CRPPA: variants seen among roughly 807,000 people sequenced by gnomAD.
The protein encoded by CRPPA is D-ribitol-5-phosphate cytidylyltransferase.
Under a neutral mutation model 52.0 loss-of-function variants are expected in CRPPA, and 43 were observed. The observed-to-expected ratio is 0.83, with a 90% CI of 0.65 to 1.07. CRPPA has a LOEUF of 1.07. Among genes scored for constraint, CRPPA ranks in the 50% least tolerant of loss-of-function variants. The pLI is 0.00. For missense variants in CRPPA, 629 were observed against 551.7 expected, an observed-to-expected ratio of 1.14 and a Z score of -1.40; for synonymous variants, 250 against 203.5, an observed-to-expected ratio of 1.23 and a Z score of -1.94.
intron 3 of CRPPA, among the ~76,000 whole-genome samples, chr7:16,310,379 A>G (rs1007945505): frequency 1.3e-5 from 2 of 152,174 alleles, no homozygotes; most frequent in Non-Finnish European, 2.9e-5. Flanking sequence ...CGCCCCAAGT[A>G]GAAAACTCAC....
chr7:16,203,540 T>C (rs1781904852), intron 9 of CRPPA, among the ~76,000 whole-genome samples: 1 of 152,190 alleles, frequency 6.6e-6, no homozygotes, highest in African/African-American at 2.4e-5. Flanking sequence ...GGGAGCAGTA[T>C]ATTTTATAGT....
intron 8 of CRPPA, among the ~76,000 whole-genome samples, chr7:16,244,204 C>T (rs1241508044): frequency 6.6e-6 from 1 of 152,046 alleles, no homozygotes; most frequent in Non-Finnish European, 1.5e-5. Context: ...ATAGTAGCCT[C>T]TTACTAGTGC....
intron 9 of CRPPA, among the ~76,000 whole-genome samples, chr7:16,107,368 A>G (rs1194739682): frequency 6.6e-6 from 1 of 152,212 alleles, no homozygotes; most frequent in Non-Finnish European, 1.5e-5. Flanking sequence ...GAGAGCAGCA[A>G]GACATAAGAA....
chr7:16,101,241 T>C (rs943910446), intron 9 of CRPPA, among the ~76,000 whole-genome samples: 5 of 152,188 alleles, frequency 3.3e-5, no homozygotes, highest in African/African-American at 1.2e-4. Context: ...CCAGCTCCTC[T>C]TTGTACCTCT....
At chr7:16,261,373 A>T (rs1298682162) in intron 6 of CRPPA, among the ~76,000 whole-genome samples, 1 of 152,092 alleles carries the variant, frequency 6.6e-6, no homozygotes, top group African/African-American at 2.4e-5. Context: ...AGAAGGAGAT[A>T]GCACATTTTA....
intron 6 of CRPPA, among the ~76,000 whole-genome samples, chr7:16,262,288 AT>A (rs974523739): frequency 2.6e-5 from 4 of 152,032 alleles, no homozygotes; most frequent in African/African-American, 9.7e-5. Context: ...TTTAGCTACC[AT>A]TTTTTTAAAT....
At position 16,355,136 on chromosome 7, in the gene CRPPA, C is replaced by A. The variant is rs1215312219; in HGVS notation, c.684+20956G>T. On this transcript the variant is annotated intron_variant, in intron 3 of 9. Transcript: ENST00000407010. ...TGTCGTAAGAATCAACTTCAAGAAA[C>A]CTAACAGGTATTGTAATCCGACTAA... Among the ~76,000 whole-genome samples the A allele has an allele frequency of 2.6e-5, 4 of 152,098 alleles. No individual in the cohort carries two copies. The East Asian group carries it at 5.8e-4, about 22-fold the overall frequency.
At chr7:16,170,927 A>T (rs559480519) in intron 9 of CRPPA, among the ~76,000 whole-genome samples, 3 of 152,302 alleles carry the variant, frequency 2.0e-5, no homozygotes, top group Admixed American at 1.3e-4. Flanking sequence ...CGCCCCGCTT[A>T]GCCCCGGTTC....
At chr7:16,300,548 C>G (rs6461234) in intron 5 of CRPPA, among the ~76,000 whole-genome samples, 121,938 of 152,090 alleles carry the variant, frequency 0.8, 49,542 homozygotes, top group African/African-American at 0.93. Context: ...TGTTTTTATC[C>G]CTAGGGAACA....
chr7:16,104,964 A>C (rs1356383982), intron 9 of CRPPA, among the ~76,000 whole-genome samples: 1 of 152,182 alleles, frequency 6.6e-6, no homozygotes, highest in Non-Finnish European at 1.5e-5. Context: ...TTTATCATCA[A>C]AACTGTATTA....
chr7:16,170,688 A>AT (rs920088986), intron 9 of CRPPA, among the ~76,000 whole-genome samples: 1 of 152,184 alleles, frequency 6.6e-6, no homozygotes, highest in African/African-American at 2.4e-5. Context: ...GGCTCGGAGC[A>AT]TGGGCATGGT....
chr7:16,258,121 T>C (rs975040361), intron 8 of CRPPA, among the ~76,000 whole-genome samples: 1 of 152,084 alleles, frequency 6.6e-6, no homozygotes, highest in Admixed American at 6.6e-5. Flanking sequence ...AACCGAATAC[T>C]TTGCCATTTT....
intron 6 of CRPPA, among the ~76,000 whole-genome samples, chr7:16,264,457 G>A (rs1342429209): frequency 6.6e-6 from 1 of 152,182 alleles, no homozygotes; most frequent in Non-Finnish European, 1.5e-5. Context: ...GCAAACATCT[G>A]TGTATTCACA....
chr7:16,121,642 T>A, intron 9 of CRPPA, among the ~76,000 whole-genome samples: 1 of 151,980 alleles, frequency 6.6e-6, no homozygotes, highest in East Asian at 1.9e-4. Flanking sequence ...ATAAAGCAAA[T>A]ATTTATTGAG....
chr7:16,129,832 AC>A (rs1239177741), intron 9 of CRPPA, among the ~76,000 whole-genome samples: 1 of 152,064 alleles, frequency 6.6e-6, no homozygotes, highest in African/African-American at 2.4e-5. Flanking sequence ...CCTTCCTCCC[AC>A]CTTTTCCTTT....
chr7:16,216,858 C>CG (rs1344556786), intron 8 of CRPPA, among the ~76,000 whole-genome samples: 1 of 151,362 alleles, frequency 6.6e-6, no homozygotes, highest in African/African-American at 2.4e-5. Context: ...GCAGCGAGGC[C>CG]GGGGGAGGGG....
At chr7:16,348,288 C>T (rs1475631294) in intron 3 of CRPPA, among the ~76,000 whole-genome samples, 1 of 152,146 alleles carries the variant, frequency 6.6e-6, no homozygotes, top group African/African-American at 2.4e-5. Context: ...AACTTCTTAA[C>T]TCTTCAAGAG....
intron 3 of CRPPA, among the ~76,000 whole-genome samples, chr7:16,349,315 G>A (rs1786090352): frequency 6.6e-6 from 1 of 152,142 alleles, no homozygotes; most frequent in African/African-American, 2.4e-5. Flanking sequence ...AGATGAATTA[G>A]AAATCCTCTC....
chr7:16,180,280 A>G (rs998031986), intron 9 of CRPPA, among the ~76,000 whole-genome samples: 5 of 152,098 alleles, frequency 3.3e-5, no homozygotes, highest in African/African-American at 7.2e-5. Context: ...TGGTAATGCT[A>G]ATATACAGAT....
Sources: gnomAD v4.1 joint callset for allele counts (sites outside exome capture counted in the v4.1 genomes callset) on GRCh38, gnomAD v4.1.1 for gene constraint, MANE v1.5 for transcripts, NCBI Gene and HGNC (gene_info 2026-07-23, HGNC 2026-07-21) for gene names.